Variants in DACH2 observed in about 807,000 individuals in gnomAD.
DACH2 encodes the protein dachshund homolog 2.
A neutral mutation model predicts 35.8 loss-of-function variants in DACH2; 17 were observed. The observed-to-expected ratio is 0.48, with a 90% CI of 0.33 to 0.71. The LOEUF is 0.71. Among genes scored for constraint, DACH2 ranks in the 30% least tolerant of loss-of-function variants. The probability of loss-of-function intolerance (pLI) is 0.02; values close to 1 mark genes in which losing one functional copy is unlikely to be tolerated. For synonymous variants in DACH2, 195 were observed against 177.3 expected, an observed-to-expected ratio of 1.10 and a Z score of -0.79; for missense variants, 469 against 472.7, an observed-to-expected ratio of 0.99 and a Z score of 0.07.
intron 2 of DACH2, among the ~76,000 whole-genome samples, chrX:86,478,712 C>T (rs924356219): frequency 9.2e-6 from 1 of 109,051 alleles, no homozygotes; most frequent in Non-Finnish European, 1.9e-5. Flanking sequence ...CCCTGCTGCT[C>T]AAATTCCTAG....
chrX:86,200,605 T>A (rs2032125972), intron 1 of DACH2, among the ~76,000 whole-genome samples: 1 of 65,475 alleles, frequency 1.5e-5, no homozygotes, highest in African/African-American at 5.1e-5. Flanking sequence ...ACAACCCCAT[T>A]GAAAAGTGGG....
intron 7 of DACH2, among the ~76,000 whole-genome samples, chrX:86,791,494 T>C (rs1027074741): frequency 9.0e-6 from 1 of 111,524 alleles, no homozygotes; most frequent in Admixed American, 9.5e-5. Context: ...ACAATCCCAC[T>C]TCAACCACAT....
chrX:86,749,425 G>A (rs1271229048), intron 7 of DACH2, among the ~76,000 whole-genome samples: 2 of 111,426 alleles, frequency 1.8e-5, no homozygotes, highest in South Asian at 3.7e-4. Context: ...ATTAGTAGTT[G>A]ACATAATTTC....
intron 1 of DACH2, among the ~76,000 whole-genome samples, chrX:86,315,840 C>CACAG (rs1556024046): frequency 5.1e-5 from 4 of 77,863 alleles, no homozygotes; most frequent in Non-Finnish European, 9.6e-5. Flanking sequence ...CACACACACA[C>CACAG]AGAGAGAGAG....
intron 7 of DACH2, among the ~76,000 whole-genome samples, chrX:86,796,075 T>G (rs775266359): frequency 3.8e-4 from 43 of 111,939 alleles, no homozygotes; most frequent in Non-Finnish European, 7.1e-4. Flanking sequence ...ATTCCCTTAT[T>G]TGGCCCTGCT....
chrX:86,435,394 A>G (rs1197392152), intron 2 of DACH2, among the ~76,000 whole-genome samples: 1 of 112,011 alleles, frequency 8.9e-6, no homozygotes, highest in African/African-American at 3.2e-5. Flanking sequence ...AAACCTGTGC[A>G]TTTCCAAATT....
At chrX:86,637,863 C>T (rs774228002) in intron 3 of DACH2, among the ~76,000 whole-genome samples, 6 of 111,015 alleles carry the variant, frequency 5.4e-5, no homozygotes, top group Non-Finnish European at 9.4e-5. Flanking sequence ...GTACATGTAC[C>T]CCAAAACCTA....
chrX:86,672,331 G>A (rs1263120838), intron 4 of DACH2, among the ~76,000 whole-genome samples: 1 of 112,174 alleles, frequency 8.9e-6, no homozygotes, highest in Non-Finnish European at 1.9e-5. Flanking sequence ...GTTTGCATAA[G>A]AGGTGCCAAA....
chrX:86,535,659 A>T (rs1263851582), intron 3 of DACH2, among the ~76,000 whole-genome samples: 1 of 110,373 alleles, frequency 9.1e-6, no homozygotes, highest in Non-Finnish European at 1.9e-5. Flanking sequence ...ACGCCAAAGT[A>T]TTGGTGTGGT....
At chrX:86,701,170 A>C (rs2041137957) in intron 5 of DACH2, among the ~76,000 whole-genome samples, 1 of 111,857 alleles carries the variant, frequency 8.9e-6, no homozygotes, top group Admixed American at 9.6e-5. Context: ...ACCATGATCA[A>C]GTATGCTTTA....
At chrX:86,180,892 G>GT (rs1316957080) in intron 1 of DACH2, among the ~76,000 whole-genome samples, 13 of 111,350 alleles carry the variant, frequency 1.2e-4, no homozygotes, top group African/African-American at 4.3e-4. Context: ...GTGGAGGATA[G>GT]TTTTTTATAG....
intron 1 of DACH2, among the ~76,000 whole-genome samples, chrX:86,338,260 T>C (rs774568601): frequency 1.5e-4 from 17 of 111,790 alleles, no homozygotes; most frequent in Non-Finnish European, 3.2e-4. Flanking sequence ...CAATAGAATA[T>C]ACATTCTTCT....
At chrX:86,699,471 A>T (rs189447281) in intron 5 of DACH2, among the ~76,000 whole-genome samples, 24 of 111,567 alleles carry the variant, frequency 2.2e-4, no homozygotes, top group African/African-American at 7.8e-4. Flanking sequence ...ATGAGAACCA[A>T]GTGAAGGGGC....
intron 2 of DACH2, among the ~76,000 whole-genome samples, chrX:86,417,163 C>T (rs932110241): frequency 1.9e-5 from 2 of 105,952 alleles, no homozygotes; most frequent in Admixed American, 1.0e-4. Context: ...AGAAGACACT[C>T]CATTACTGTG....
intron 1 of DACH2, among the ~76,000 whole-genome samples, chrX:86,177,632 T>C (rs970925431): frequency 9.0e-6 from 1 of 111,179 alleles, no homozygotes; most frequent in Non-Finnish European, 1.9e-5. Context: ...TAATAGAGTA[T>C]TTGGAAAGGA....
intron 2 of DACH2, among the ~76,000 whole-genome samples, chrX:86,408,978 G>T (rs2036567579): frequency 8.9e-6 from 1 of 111,797 alleles, no homozygotes; most frequent in African/African-American, 3.3e-5. Context: ...GAAAGTGAAA[G>T]TACATTAAAT....
At chrX:86,233,011 A>G (rs754352053) in intron 1 of DACH2, among the ~76,000 whole-genome samples, 9 of 112,295 alleles carry the variant, frequency 8.0e-5, no homozygotes, top group African/African-American at 2.9e-4. Flanking sequence ...TGCAGCCATA[A>G]AAAAGAATGA....
chrX:86,329,803 T>C (rs2035180246), intron 1 of DACH2, among the ~76,000 whole-genome samples: 1 of 111,770 alleles, frequency 8.9e-6, no homozygotes, highest in African/African-American at 3.2e-5. Context: ...TGGAGTTCCA[T>C]TAGAATTTAC....
At chrX:86,603,556 A>G (rs1340111214) in intron 3 of DACH2, among the ~76,000 whole-genome samples, 1 of 111,393 alleles carries the variant, frequency 9.0e-6, no homozygotes, top group African/African-American at 3.3e-5. Flanking sequence ...TTGAGGCAAA[A>G]TTCCCATCTA....
Sources: allele counts gnomAD v4.1 joint callset (sites outside exome capture counted in the v4.1 genomes callset), GRCh38; gene constraint gnomAD v4.1.1; transcripts MANE v1.5; gene names NCBI Gene and HGNC (gene_info 2026-07-23, HGNC 2026-07-21).